DTNB: variants seen among roughly 807,000 people sequenced by gnomAD.
The protein encoded by DTNB is DTN-B.
In DTNB, 63 loss-of-function variants were observed where a neutral mutation model predicts 90.7. The ratio of observed to expected loss-of-function variants is 0.69; its 90% confidence interval spans 0.57 to 0.86. The LOEUF (loss-of-function observed/expected upper bound fraction) is 0.86, where lower values mean the gene tolerates loss of function less well. DTNB is among the 40% of genes least tolerant of loss of function. DTNB has a pLI of 0.00. For missense variants in DTNB, 744 were observed against 807.1 expected (o/e 0.92, Z 0.95); for synonymous variants, 277 against 286.7 (o/e 0.97, Z 0.34).
At position 25,543,212 on chromosome 2, in the gene DTNB, G is replaced by A. The variant is rs184074304; in HGVS notation, c.877-11615C>T. On this transcript the variant is annotated intron_variant, in intron 8 of 20. Coordinates refer to ENST00000406818, the MANE Select transcript of DTNB (RefSeq NM_021907.5). ...TTTGTTTTGATTAGTACTTGGCCTG[G>A]TATGTCTTTTTTATTCTTAACTTAC... is the stretch of plus-strand genomic sequence containing the variant. 8.1e-3 allele frequency among the ~76,000 whole-genome samples: 1,235 copies of A among 151,816 alleles called. 6 individuals carry two copies. The highest frequency in any genetic ancestry group is 0.015 in the Non-Finnish European group (985 of 67,904).
Position 25,503,340 on chromosome 2 carries a change from A to T in DTNB, c.1002-20467T>A, listed in dbSNP as rs916676033. 5.9e-5 allele frequency among the ~76,000 whole-genome samples: 9 copies of T among 152,178 alleles called. No homozygotes were observed. In the South Asian group the frequency reaches 6.2e-4, roughly 11 times the overall value. On this transcript the variant is annotated intron_variant, in intron 9 of 20. Coordinates refer to ENST00000406818, the MANE Select transcript of DTNB (RefSeq NM_021907.5). ...TCTCTCCCTCCAAAAAAAAAATTTT[A>T]AAAATTAGACAGGTGTGGTAGTGCG...
chr2:25,407,791 G>A (rs1345906633), intron 16 of DTNB, among the ~76,000 whole-genome samples: 2 of 152,114 alleles, frequency 1.3e-5, no homozygotes, highest in East Asian at 3.8e-4. Flanking sequence ...TGGGAGGGGC[G>A]TGAAGGATAA....
chr2:25,381,301 C>T (rs569282601), intron 19 of DTNB, among the ~76,000 whole-genome samples: 1 of 152,302 alleles, frequency 6.6e-6, no homozygotes, highest in South Asian at 2.1e-4. Flanking sequence ...TCTTTCTTGT[C>T]TGTGTGGGTA....
chr2:25,404,209 C>T (rs540937337), intron 16 of DTNB, among the ~76,000 whole-genome samples: 22 of 152,234 alleles, frequency 1.4e-4, no homozygotes, highest in Admixed American at 8.5e-4. Flanking sequence ...GAGTCAGGTA[C>T]GTATGCAACC....
At chr2:25,416,558 C>T (rs1282354441) in intron 16 of DTNB, among the ~76,000 whole-genome samples, 8 of 151,932 alleles carry the variant, frequency 5.3e-5, no homozygotes, top group African/African-American at 1.4e-4. Context: ...ACTAGCTACT[C>T]GGGAGGCTAA....
intron 8 of DTNB, among the ~76,000 whole-genome samples, chr2:25,546,106 T>C (rs920664024): frequency 6.6e-6 from 1 of 152,202 alleles, no homozygotes; most frequent in Non-Finnish European, 1.5e-5. Flanking sequence ...TAACTGTCTG[T>C]TCCTACCTCA....
rs574756846 is a variant in DTNB, at chr2:25,482,662, T to C, written c.1079+134A>G. On this transcript the variant is annotated intron_variant, in intron 10 of 20. Transcript: ENST00000406818. Reference sequence around the variant, plus strand: ...AGTAGAAATTAAGACTAAAAGACGGTCAAAGGAAGAGAAAGCAAACCAGTC... The same window carrying C: ...AGTAGAAATTAAGACTAAAAGACGGCCAAAGGAAGAGAAAGCAAACCAGTC... The C allele has an allele frequency of 1.5e-4, 130 of 850,178 alleles. No homozygotes were observed. The African/African-American group carries it at 2.0e-3, about 13-fold the overall frequency. The allele number at this position is 850,178 out of a possible 1,614,324, so 52.7% of individuals were successfully genotyped here. A position where few individuals can be genotyped will look rare whatever the true frequency, so the allele number is the denominator to read the frequency against.
At chr2:25,511,514 T>C (rs1034989773) in intron 9 of DTNB, among the ~76,000 whole-genome samples, 4 of 152,132 alleles carry the variant, frequency 2.6e-5, no homozygotes, top group Non-Finnish European at 5.9e-5. Context: ...CTATTTTTAG[T>C]AGAGATGGGG....
At chr2:25,502,687 T>C (rs189738716) in intron 9 of DTNB, among the ~76,000 whole-genome samples, 2 of 151,474 alleles carry the variant, frequency 1.3e-5, no homozygotes, top group African/African-American at 4.9e-5. Flanking sequence ...ATGGAGACCA[T>C]CCTGGCTAAC....
chr2:25,550,096 G>A (rs186831014), intron 8 of DTNB, among the ~76,000 whole-genome samples: 200 of 152,190 alleles, frequency 1.3e-3, no homozygotes, highest in Admixed American at 1.8e-3. Flanking sequence ...GCTTAAAGAC[G>A]CTATGCTATT....
intron 2 of DTNB, among the ~76,000 whole-genome samples, chr2:25,641,922 G>A (rs1198486846): frequency 3.3e-5 from 5 of 152,150 alleles, no homozygotes; most frequent in African/African-American, 7.2e-5. Flanking sequence ...CCGGGTTCAC[G>A]CCATTCTCCT....
At chr2:25,475,743 C>G (rs552791861) in intron 10 of DTNB, among the ~76,000 whole-genome samples, 1 of 152,342 alleles carries the variant, frequency 6.6e-6, no homozygotes, top group East Asian at 1.9e-4. Context: ...GTGACTTTAA[C>G]TTGAAGCCAA....
At chr2:25,652,453 A>G in intron 2 of DTNB, 141 bp downstream of exon 2, 1 of 821,824 alleles carries the variant, frequency 1.2e-6, no homozygotes. Context: ...CTTCAACTCC[A>G]TGATTCTTTA....
intron 19 of DTNB, among the ~76,000 whole-genome samples, chr2:25,380,592 C>A (rs1413773269): frequency 2.0e-5 from 3 of 152,232 alleles, no homozygotes; most frequent in African/African-American, 7.2e-5. Context: ...GGTATATGCA[C>A]TGAAAGACAG....
At chr2:25,662,776 T>C (rs1380127284) in intron 1 of DTNB, among the ~76,000 whole-genome samples, 2 of 151,894 alleles carry the variant, frequency 1.3e-5, no homozygotes, top group East Asian at 1.9e-4. Flanking sequence ...TCTCTGGGGA[T>C]GGAAACAGAA....
chr2:25,402,597 T>C (rs1049223132), intron 16 of DTNB, among the ~76,000 whole-genome samples: 3 of 152,196 alleles, frequency 2.0e-5, no homozygotes, highest in Admixed American at 2.0e-4. Flanking sequence ...ATGTGTCTGT[T>C]GGAAGGATGA....
chr2:25,429,215 A>G (rs2053001961), intron 14 of DTNB, among the ~76,000 whole-genome samples: 1 of 152,252 alleles, frequency 6.6e-6, no homozygotes, highest in Non-Finnish European at 1.5e-5. Context: ...TGAAAGGACA[A>G]TATTTTGAAA....
intron 1 of DTNB, among the ~76,000 whole-genome samples, chr2:25,662,897 A>G (rs2083547475): frequency 1.3e-5 from 2 of 152,128 alleles, no homozygotes; most frequent in South Asian, 4.1e-4. Context: ...AAGTGGAAAC[A>G]TATTTTTTTA....
intron 7 of DTNB, among the ~76,000 whole-genome samples, chr2:25,579,029 T>A (rs532418605): frequency 6.6e-6 from 1 of 152,180 alleles, no homozygotes; most frequent in East Asian, 1.9e-4. Flanking sequence ...ACAAACCATA[T>A]ACATTAAGAA....
Sources: gnomAD v4.1 joint callset for allele counts (sites outside exome capture counted in the v4.1 genomes callset) on GRCh38, gnomAD v4.1.1 for gene constraint, MANE v1.5 for transcripts, NCBI Gene and HGNC (gene_info 2026-07-23, HGNC 2026-07-21) for gene names.